Variants in DYRK1A observed in about 807,000 individuals in gnomAD.
DYRK1A encodes dual specificity tyrosine phosphorylation regulated kinase 1A.
DYRK1A carries 9 observed loss-of-function variants against 79.7 expected under a neutral mutation model. The ratio of observed to expected loss-of-function variants is 0.11; its 90% CI spans 0.07 to 0.20. The LOEUF (loss-of-function observed/expected upper bound fraction) is 0.20. Among genes scored for constraint, DYRK1A ranks in the 10% least tolerant of loss-of-function variants. The pLI is 1.00. For synonymous variants in DYRK1A, 349 were observed against 329.7 expected (o/e 1.06, Z -0.63); for missense variants, 622 against 956.0 (o/e 0.65, Z 4.61).
chr21:37,401,735 A>C (rs1261673288), intron 1 of DYRK1A, among the ~76,000 whole-genome samples: 2 of 152,048 alleles, frequency 1.3e-5, no homozygotes, highest in Non-Finnish European at 2.9e-5. Context: ...CACCCACCTT[A>C]GCCTCCCAAA....
At chr21:37,446,897 G>T (rs1295585950) in intron 2 of DYRK1A, among the ~76,000 whole-genome samples, 1 of 152,172 alleles carries the variant, frequency 6.6e-6, no homozygotes, top group Non-Finnish European at 1.5e-5. Flanking sequence ...TGCTCCTTTT[G>T]TGCTCCCTCT....
chr21:37,440,159 G>A (rs111738791), intron 2 of DYRK1A, among the ~76,000 whole-genome samples: 15,868 of 42,486 alleles, frequency 0.37, 1,808 homozygotes, highest in East Asian at 0.6. Flanking sequence ...TTTTTGAGAC[G>A]GAGTTTCACT....
At chr21:37,483,597 T>G (rs2052738230) in intron 5 of DYRK1A, among the ~76,000 whole-genome samples, 1 of 151,088 alleles carries the variant, frequency 6.6e-6, no homozygotes, top group Non-Finnish European at 1.5e-5. Flanking sequence ...GTTTTGTTTT[T>G]TAAGAGACAG....
chr21:37,455,019 CT>C (rs72223324), intron 2 of DYRK1A, among the ~76,000 whole-genome samples: 1,410 of 116,816 alleles, frequency 0.012, 13 homozygotes, highest in African/African-American at 0.038. Flanking sequence ...GGGTGGTCAC[CT>C]TTTTTTTTTT....
intron 2 of DYRK1A, among the ~76,000 whole-genome samples, chr21:37,428,223 G>T (rs1487507877): frequency 6.6e-6 from 1 of 152,140 alleles, no homozygotes; most frequent in Non-Finnish European, 1.5e-5. Flanking sequence ...TTTCCAGTTT[G>T]CATTTGCCTT....
At chr21:37,441,631 C>T (rs1054172225) in intron 2 of DYRK1A, among the ~76,000 whole-genome samples, 5 of 152,124 alleles carry the variant, frequency 3.3e-5, no homozygotes, top group African/African-American at 9.7e-5. Flanking sequence ...GATCACTTCA[C>T]GTATAGTGTA....
chr21:37,483,726 G>A (rs1253879401), intron 5 of DYRK1A, among the ~76,000 whole-genome samples: 2 of 152,060 alleles, frequency 1.3e-5, no homozygotes, highest in African/African-American at 2.4e-5. Flanking sequence ...GGGACTACAG[G>A]CACGTGCCAC....
chr21:37,388,505 G>GTTAA, intron 1 of DYRK1A, among the ~76,000 whole-genome samples: 1 of 152,206 alleles, frequency 6.6e-6, no homozygotes, highest in African/African-American at 2.4e-5. Flanking sequence ...CCTTTAAAAG[G>GTTAA]TTAACAGTGA....
intron 1 of DYRK1A, among the ~76,000 whole-genome samples, chr21:37,385,128 A>G (rs2049734941): frequency 6.6e-6 from 1 of 152,120 alleles, no homozygotes; most frequent in African/African-American, 2.4e-5. Flanking sequence ...TCAGTATTTG[A>G]GCAGAGCAGG....
rs765361570 is a variant in DYRK1A, at chr21:37,520,419, TTTC to T, written c.*7897_*7899del. The T allele has an allele frequency of 1.6e-4, 24 of 152,348 alleles. No individual in the cohort carries two copies. Among genetic ancestry groups the T allele is most frequent in the East Asian group, 5.8e-4 (3 of 5,180 alleles). 9.4% of individuals were successfully genotyped at this position (152,348 alleles called of 1,614,324 possible). A position where few individuals can be genotyped will look rare whatever the true frequency, so the allele number is the denominator to read the frequency against. On this transcript the variant is annotated 3_prime_UTR_variant, in exon 12 of 12. Coordinates refer to ENST00000647188, the MANE Select transcript of DYRK1A (RefSeq NM_001347721.2). The stretch of plus-strand genomic sequence containing the variant: ...GCAGTAAGGAAATAATTGCTGCTTT[TTTC>T]TTCTTCTTTATTCTGTTGACTTTGT...
chr21:37,369,872 A>G lies in DYRK1A; in HGVS notation c.-77+2244A>G, dbSNP rs1027972117. 3.9e-5 allele frequency among the ~76,000 whole-genome samples: 6 copies of G among 152,344 alleles called. No individual in the cohort carries two copies. In the East Asian group the frequency reaches 5.8e-4, roughly 15 times the overall value. The stretch of plus-strand genomic sequence containing the variant: ...GTGGAACCTATTAGAAACTTAACAC[A>G]TTATTGTGTGCAAGATATCTAAAAA... On this transcript the variant is annotated intron_variant, in intron 1 of 11. Transcript: ENST00000647188.
chr21:37,455,937 T>C (rs2051622873), intron 2 of DYRK1A, among the ~76,000 whole-genome samples: 2 of 152,184 alleles, frequency 1.3e-5, no homozygotes, highest in South Asian at 4.1e-4. Flanking sequence ...AATGGCAAAA[T>C]TGAATCCAGA....
chr21:37,459,124 G>A (rs2051756664), intron 2 of DYRK1A, among the ~76,000 whole-genome samples: 1 of 152,202 alleles, frequency 6.6e-6, no homozygotes, highest in Non-Finnish European at 1.5e-5. Flanking sequence ...CAAGACGTCT[G>A]ATAACCTTAA....
intron 2 of DYRK1A, among the ~76,000 whole-genome samples, chr21:37,451,340 C>T (rs1159733104): frequency 6.7e-6 from 1 of 149,212 alleles, no homozygotes; most frequent in African/African-American, 2.4e-5. Flanking sequence ...ACTCATCTCT[C>T]TTCCTCTCCG....
chr21:37,378,086 T>C (rs1449770569), intron 1 of DYRK1A, among the ~76,000 whole-genome samples: 1 of 152,210 alleles, frequency 6.6e-6, no homozygotes, highest in Non-Finnish European at 1.5e-5. Context: ...CCTTAGATTT[T>C]TGTGAATGTA....
At chr21:37,406,068 AC>A (rs2050141230) in intron 1 of DYRK1A, among the ~76,000 whole-genome samples, 1 of 151,132 alleles carries the variant, frequency 6.6e-6, no homozygotes, top group African/African-American at 2.4e-5. Flanking sequence ...ATTTCAGGGG[AC>A]GTCCCAGTGT....
intron 1 of DYRK1A, among the ~76,000 whole-genome samples, chr21:37,388,854 C>T (rs2049814752): frequency 6.6e-6 from 1 of 151,710 alleles, no homozygotes; most frequent in African/African-American, 2.4e-5. Context: ...CTGTGTTAGC[C>T]AGGTTGGTCT....
At chr21:37,485,946 T>C (rs2052848641) in intron 5 of DYRK1A, among the ~76,000 whole-genome samples, 1 of 152,128 alleles carries the variant, frequency 6.6e-6, no homozygotes, top group Non-Finnish European at 1.5e-5. Flanking sequence ...TCTAAACCAA[T>C]TTTTCTTTTA....
chr21:37,389,223 A>G (rs1327374811), intron 1 of DYRK1A, among the ~76,000 whole-genome samples: 3 of 151,738 alleles, frequency 2.0e-5, no homozygotes, highest in African/African-American at 4.8e-5. Context: ...ATATATATAT[A>G]TAAACAAATA....
Sources: allele counts gnomAD v4.1 joint callset (sites outside exome capture counted in the v4.1 genomes callset), GRCh38; gene constraint gnomAD v4.1.1; transcripts MANE v1.5; gene names NCBI Gene and HGNC (gene_info 2026-07-23, HGNC 2026-07-21).